Variants in SCNN1G observed in about 807,000 individuals in gnomAD.
SCNN1G encodes the protein sodium channel epithelial 1 subunit gamma, also known as epithelial sodium channel subunit gamma.
Under a neutral mutation model 64.6 loss-of-function variants are expected in SCNN1G, and 27 were observed. That is an observed-to-expected ratio of 0.42 (90% CI 0.31 to 0.58). SCNN1G has a LOEUF of 0.58. Among genes scored for constraint, SCNN1G ranks in the 20% least tolerant of loss-of-function variants. The pLI is 0.18. For synonymous variants in SCNN1G, 330 were observed against 314.2 expected (o/e 1.05, Z -0.53); for missense variants, 743 against 823.4 (o/e 0.90, Z 1.19).
At chr16:23,199,485 C>T (rs1302431560) in intron 6 of SCNN1G, among the ~76,000 whole-genome samples, 3 of 151,924 alleles carry the variant, frequency 2.0e-5, no homozygotes, top group Admixed American at 2.0e-4. Context: ...GATTGTCCCC[C>T]AATGAGGATA....
In SCNN1G at chr16:23,215,417, A is replaced by G. The variant is rs770396816; in HGVS notation, c.1898A>G (p.Glu633Gly). ...CCCAAATACAATACCTTGCGCTTGG[A>G]GAGGGCCTTTTCCAACCAGCTCACA... ...PPPKYNTLRL[E>G]RAFSNQLTDT... Residue 633 changes from glutamate (E) to glycine (G), a missense_variant, in exon 13 of 13, where the codon GAG becomes GGG. By Grantham distance (98) the Glu-to-Gly change is moderately conservative (BLOSUM62 -2). Transcript: ENST00000300061. 2 of 1,613,650 alleles carry G rather than the reference A, an allele frequency of 1.2e-6. No individual in the cohort carries two copies. Among genetic ancestry groups the G allele is most frequent in the African/African-American group, 1.3e-5 (1 of 74,912 alleles).
Position 23,213,083 on chromosome 16 carries a change from C to T in SCNN1G, c.1432-19C>T, listed in dbSNP as rs555242110. The stretch of plus-strand genomic sequence containing the variant: ...CCTCTCAGGCACCCTCAGGCCCACG[C>T]TTTCTCTCTCCGTTGTAGAAGTGGT... On this transcript the variant is annotated intron_variant, in intron 10 of 12. Transcript: ENST00000300061. 6.2e-7 allele frequency: 1 copy of T among 1,612,796 alleles called. No individual in the cohort carries two copies. The highest frequency in any genetic ancestry group is 2.2e-5 in the East Asian group (1 of 44,870).
chr16:23,194,260 G>A lies in SCNN1G; in HGVS notation c.899G>A (p.Gly300Glu), dbSNP rs771938926. The A allele has an allele frequency of 5.6e-6, 9 of 1,610,020 alleles. No homozygotes were observed. The highest frequency in any genetic ancestry group is 2.2e-5 in the East Asian group (1 of 44,858). Residue 300 changes from glycine to glutamate, a missense_variant, in exon 5 of 13, where the codon GGG becomes GAG. By Grantham distance (98) the Gly-to-Glu change is moderately conservative. Coordinates refer to ENST00000300061, the MANE Select transcript of SCNN1G (RefSeq NM_001039.4). ...GAGACCATTCTCAGCACCTCCATGG[G>A]GGGCAGCGAATATGGTAAGGAAACC... ...ENETILSTSM[G>E]GSEYGLQVIL... is the part of the protein sequence containing the mutation.
At chr16:23,208,413 C>T (rs981332974) in intron 6 of SCNN1G, among the ~76,000 whole-genome samples, 1 of 151,956 alleles carries the variant, frequency 6.6e-6, no homozygotes, top group Non-Finnish European at 1.5e-5. Context: ...ATGCTGTTTA[C>T]CTCCTCTCAT....
chr16:23,196,273 C>G (rs1156237550), intron 5 of SCNN1G: 1 of 152,104 alleles, frequency 6.6e-6, no homozygotes, highest in Admixed American at 6.6e-5. Flanking sequence ...AGGGCAAAGG[C>G]CCTGGGAAGG....
In SCNN1G at chr16:23,213,116, T is replaced by C. The variant is rs1960107204; in HGVS notation, c.1446T>C (p.Pro482=). Residue 482 remains proline (P), a synonymous_variant, in exon 11 of 13, where the codon CCT becomes CCC. Transcript: ENST00000300061. ...PSVVSEKWLL[P]VLTWDQGRQV... ...CTCCGTTGTAGAAGTGGTTGCTGCC[T>C]GTTCTCACTTGGGACCAAGGCCGGC... 6.2e-7 allele frequency: 1 copy of C among 1,613,910 alleles called. No individual in the cohort carries two copies. The highest frequency in any genetic ancestry group is 8.5e-7 in the Non-Finnish European group (1 of 1,179,888).
chr16:23,189,497 G>A lies in SCNN1G; in HGVS notation c.444G>A (p.Glu148=), dbSNP rs1959669643. 3 of 1,614,218 alleles carry A rather than the reference G, an allele frequency of 1.9e-6. No individual in the cohort carries two copies. The highest frequency in any genetic ancestry group is 2.5e-6 in the Non-Finnish European group (3 of 1,180,040). Reference sequence around the variant, plus strand: ...CGGAGTCCTGGAACTCCGTCTCAGAGGGAAAGCAGCCTAGATTCTCCCACC... The same window carrying A: ...CGGAGTCCTGGAACTCCGTCTCAGAAGGAAAGCAGCCTAGATTCTCCCACC... ...REAESWNSVS[E]GKQPRFSHRI... The change falls in exon 3 of 13, where the codon GAG becomes GAA. Residue 148 remains glutamate (E), a synonymous_variant. Transcript: ENST00000300061.
chr16:23,209,690 A>G (rs1478171426), intron 6 of SCNN1G, 60 bp from the exon 7 acceptor site: 2 of 1,292,284 alleles, frequency 1.5e-6, no homozygotes, highest in African/African-American at 2.9e-5. Context: ...TGCTCCTTGC[A>G]AAGCCCCCGC....
At chr16:23,205,146 C>T (rs1959969318) in intron 6 of SCNN1G, among the ~76,000 whole-genome samples, 1 of 152,132 alleles carries the variant, frequency 6.6e-6, no homozygotes, top group South Asian at 2.1e-4. Flanking sequence ...AATCAAATAG[C>T]CACTAGGTAG....
At position 23,215,564 on chromosome 16, in the gene SCNN1G, G is replaced by A; in HGVS notation, c.*95G>A. 2 of 1,469,114 alleles carry A rather than the reference G, an allele frequency of 1.4e-6. No individual in the cohort carries two copies. Among genetic ancestry groups the A allele is most frequent in the Non-Finnish European group, 1.9e-6 (2 of 1,063,510 alleles). The allele number at this position is 1,469,114 out of a possible 1,614,324, so 91.0% of individuals were successfully genotyped here. On this transcript the variant is annotated 3_prime_UTR_variant, in exon 13 of 13. Transcript: ENST00000300061. ...CAGACGTGTGCACAGGGGACCCTCT[G>A]CCCCACTCTGGGCTTTTCAGATACT...
At chr16:23,184,830 C>T (rs974996149) in intron 1 of SCNN1G, among the ~76,000 whole-genome samples, 2 of 152,182 alleles carry the variant, frequency 1.3e-5, no homozygotes, top group African/African-American at 2.4e-5. Flanking sequence ...CATGGGTCCT[C>T]TCTGGTCCTG....
intron 2 of SCNN1G, among the ~76,000 whole-genome samples, chr16:23,187,689 C>T (rs1223493769): frequency 6.6e-6 from 1 of 152,166 alleles, no homozygotes; most frequent in Non-Finnish European, 1.5e-5. Context: ...TCTGAATAAA[C>T]CCAGCCCCAT....
chr16:23,212,987 A>G, intron 10 of SCNN1G, 93 bp downstream of exon 10: 1 of 1,530,228 alleles, frequency 6.5e-7, no homozygotes, highest in Non-Finnish European at 9.0e-7. Flanking sequence ...GACATGGTCC[A>G]GGGGGAAAAG....
At position 23,214,412 on chromosome 16, in the gene SCNN1G, A is replaced by G. The variant is rs554677016; in HGVS notation, c.1494-300A>G. 4.6e-5 allele frequency among the ~76,000 whole-genome samples: 7 copies of G among 152,356 alleles called. No individual in the cohort carries two copies. In the East Asian group the frequency reaches 1.3e-3, roughly 29 times the overall value. ...TACATACTTGAGATTGCAATCAATCAATTACAAATGTCAATGTTTAATGAA... is the reference window on the plus strand; with the variant it reads ...TACATACTTGAGATTGCAATCAATCGATTACAAATGTCAATGTTTAATGAA... On this transcript the variant is annotated intron_variant, in intron 11 of 12. Transcript: ENST00000300061.
chr16:23,192,599 G>A (rs994291302), intron 4 of SCNN1G, 57 bp downstream of exon 4: 10 of 1,405,804 alleles, frequency 7.1e-6, no homozygotes, highest in African/African-American at 2.8e-5. Context: ...TGAGTACCAG[G>A]CCCCTTGCAG....
At position 23,197,371 on chromosome 16, in the gene SCNN1G, G is replaced by C; in HGVS notation, c.1021G>C (p.Glu341Gln). ...IHRQDEYPFV[E>Q]DVGTEIETAM... The stretch of plus-strand genomic sequence containing the variant: ...TCGGCAGGATGAGTATCCCTTCGTC[G>C]AAGATGTGGGAACAGAGATTGAGAC... The change falls in exon 6 of 13, where the codon GAA (glutamate) becomes CAA (glutamine). Residue 341 changes from glutamate (E) to glutamine (Q), a missense_variant. Transcript: ENST00000300061. The C allele has an allele frequency of 1.2e-6, 2 of 1,614,078 alleles. No homozygotes were observed. The highest frequency in any genetic ancestry group is 1.7e-6 in the Non-Finnish European group (2 of 1,179,952).
At chr16:23,187,618 G>A (rs1466652787) in intron 2 of SCNN1G, among the ~76,000 whole-genome samples, 1 of 152,146 alleles carries the variant, frequency 6.6e-6, no homozygotes, top group Non-Finnish European at 1.5e-5. Flanking sequence ...TGAGCTCAAG[G>A]CTGACTCAGA....
At chr16:23,189,193 C>T (rs1293655058) in intron 2 of SCNN1G, among the ~76,000 whole-genome samples, 178 bp from the exon 3 acceptor site, 1 of 152,164 alleles carries the variant, frequency 6.6e-6, no homozygotes, top group Non-Finnish European at 1.5e-5. Flanking sequence ...CCCCATTTGC[C>T]AGAGCCAGGG....
intron 5 of SCNN1G, among the ~76,000 whole-genome samples, chr16:23,195,423 G>A (rs1428433644): frequency 6.6e-6 from 1 of 152,144 alleles, no homozygotes; most frequent in African/African-American, 2.4e-5. Context: ...TGCCCAAAAG[G>A]AATTCTTGAA....
Sources: gnomAD v4.1 joint callset for allele counts (sites outside exome capture counted in the v4.1 genomes callset) on GRCh38, gnomAD v4.1.1 for gene constraint, MANE v1.5 for transcripts, NCBI Gene and HGNC (gene_info 2026-07-23, HGNC 2026-07-21) for gene names.